Variants in TMPO observed in about 807,000 individuals in gnomAD.
TMPO encodes the protein thymopoietin.
A neutral mutation model predicts 45.4 loss-of-function variants in TMPO; 22 were observed. The observed-to-expected ratio is 0.48, with a 90% CI of 0.35 to 0.69. TMPO has a LOEUF of 0.69. Ranked by LOEUF, TMPO falls within the 30% of genes least tolerant of loss-of-function variation. The pLI, the probability that TMPO is intolerant of heterozygous loss-of-function variation, is 0.01. For missense variants in TMPO, 512 were observed against 548.8 expected (o/e 0.93, Z 0.67); for synonymous variants, 241 against 204.1 (o/e 1.18, Z -1.54).
At chr12:98,536,809 T>C (rs1877600498) in intron 3 of TMPO, among the ~76,000 whole-genome samples, 1 of 152,230 alleles carries the variant, frequency 6.6e-6, no homozygotes, top group Admixed American at 6.5e-5. Flanking sequence ...AGTATTGGCT[T>C]CTTTTCAAAG....
At chr12:98,516,175 G>A in intron 1 of TMPO, 29 bp downstream of exon 1, 22 of 1,335,976 alleles carry the variant, frequency 1.6e-5, no homozygotes, top group Non-Finnish European at 2.1e-5. Context: ...GGCTACAAAG[G>A]CGGGCGTTTG....
chr12:98,516,559 T>C, intron 1 of TMPO: 3 of 1,009,910 alleles, frequency 3.0e-6, no homozygotes, highest in Non-Finnish European at 3.5e-6. Flanking sequence ...CTGAAATGAC[T>C]CGCAGCAGAG....
intron 2 of TMPO, among the ~76,000 whole-genome samples, chr12:98,530,213 TGTA>T (rs907025339): frequency 9.9e-5 from 15 of 151,946 alleles, no homozygotes; most frequent in Non-Finnish European, 1.8e-4. Context: ...AGTGCACACT[TGTA>T]GTCCTAGCTA....
intron 1 of TMPO, among the ~76,000 whole-genome samples, chr12:98,521,286 G>A (rs563450445): frequency 6.7e-6 from 1 of 150,124 alleles, no homozygotes; most frequent in South Asian, 2.2e-4. Context: ...TAATTTTTTT[G>A]TATTTTTAGT....
At chr12:98,519,172 G>A (rs1347710636) in intron 1 of TMPO, among the ~76,000 whole-genome samples, 1 of 152,044 alleles carries the variant, frequency 6.6e-6, no homozygotes. Context: ...GTGAGCCACC[G>A]CGCCCAGCCA....
rs1877341732 is a variant in TMPO at position 98,533,425 on chromosome 12, G to A, written c.565+1587G>A. The A allele has an allele frequency of 6.2e-7, 1 of 1,614,196 alleles. No homozygotes were observed. The highest frequency in any genetic ancestry group is 8.5e-7 in the Non-Finnish European group (1 of 1,180,032). ...CAATTCTCTGTTGGTCCAGGGTGGG[G>A]TAGGTAGTTTGCCTGGAACTTCTAA... On this transcript the variant is annotated intron_variant, in intron 3 of 8. Transcript: ENST00000556029.
In TMPO at chr12:98,537,563, G is replaced by C. The variant is rs138298699; in HGVS notation, c.654G>C (p.Glu218Asp). 2 of 1,611,798 alleles carry C rather than the reference G, an allele frequency of 1.2e-6. No individual in the cohort carries two copies. The highest frequency in any genetic ancestry group is 1.7e-6 in the Non-Finnish European group (2 of 1,178,412). ...TAACACTCAAGCAAAGAAGAGTTGA[G>C]CACAATCAGGTATCTTTAGTTTTAT... is the stretch of plus-strand genomic sequence containing the variant. The part of the protein sequence containing the change: ...TPVTLKQRRV[E>D]HNQSYSQAGI... The change falls in exon 4 of 9, where the codon GAG (glutamate) becomes GAC (aspartate). Residue 218 changes from glutamate to aspartate, a missense_variant. Physicochemically the swap from Glu to Asp is conservative, Grantham distance 45 (BLOSUM62 2). This residue lies in a region of TMPO where 299 missense variants were observed against 296.7 expected (regional missense o/e 1.01). Transcript: ENST00000556029.
intron 1 of TMPO, among the ~76,000 whole-genome samples, chr12:98,517,979 A>G (rs2121109816): frequency 6.6e-6 from 1 of 152,256 alleles, no homozygotes; most frequent in East Asian, 1.9e-4. Context: ...CCTGGCCCAT[A>G]TGGTGAAACC....
intron 2 of TMPO, among the ~76,000 whole-genome samples, chr12:98,529,179 G>A (rs540325638): frequency 7.5e-4 from 113 of 151,216 alleles, no homozygotes; most frequent in African/African-American, 2.6e-3. Context: ...TCAGCTTCCC[G>A]AATAGCTGGG....
chr12:98,532,941 C>T lies in TMPO; in HGVS notation c.565+1103C>T, dbSNP rs188308994. 1.9e-6 allele frequency: 3 copies of T among 1,614,166 alleles called. No individual in the cohort carries two copies. The highest frequency in any genetic ancestry group is 1.7e-6 in the Non-Finnish European group (2 of 1,180,034). On this transcript the variant is annotated intron_variant, in intron 3 of 8. Transcript: ENST00000556029. ...AGGGTATTTCTTTTCCTGAAATCTC[C>T]ACCCGTCCTCCTTTGGGCAGTACCG...
intron 6 of TMPO, 131 bp downstream of exon 6, chr12:98,544,668 T>A (rs750117499): frequency 3.7e-5 from 29 of 787,820 alleles, no homozygotes; most frequent in Non-Finnish European, 5.5e-5. Context: ...TTAAACTGAT[T>A]TTCCCCATAT....
intron 3 of TMPO, chr12:98,535,259 ACT>A: frequency 1.0e-6 from 1 of 982,552 alleles, no homozygotes; most frequent in Non-Finnish European, 1.2e-6. Flanking sequence ...AGCAATATAG[ACT>A]CTAAAAGCAA....
At chr12:98,521,370 C>T (rs978817251) in intron 1 of TMPO, among the ~76,000 whole-genome samples, 3 of 151,988 alleles carry the variant, frequency 2.0e-5, no homozygotes, top group Non-Finnish European at 4.4e-5. Flanking sequence ...CCTCAGCCTC[C>T]CAGAGTGCTG....
intron 4 of TMPO, among the ~76,000 whole-genome samples, chr12:98,543,493 G>A (rs1437856223): frequency 6.6e-6 from 1 of 152,186 alleles, no homozygotes; most frequent in Non-Finnish European, 1.5e-5. Context: ...TGTAAGAAAT[G>A]CTGGATTCTT....
chr12:98,522,341 T>C (rs544955402), intron 1 of TMPO, among the ~76,000 whole-genome samples: 1 of 152,260 alleles, frequency 6.6e-6, no homozygotes, highest in South Asian at 2.1e-4. Context: ...ATAGGAAATA[T>C]TTGAAGACCT....
rs564947420 is a variant in TMPO, at chr12:98,535,529, A to T, written c.566-1946A>T. 2.4e-4 allele frequency: 235 copies of T among 985,374 alleles called. No individual in the cohort carries two copies. The African/African-American group carries it at 3.8e-3, about 16-fold the overall frequency. The allele number at this position is 985,374 out of a possible 1,614,324, so 61.0% of individuals were successfully genotyped here. A position where few individuals can be genotyped will look rare whatever the true frequency, so the allele number is the denominator to read the frequency against. On this transcript the variant is annotated intron_variant, in intron 3 of 8. Transcript: ENST00000556029. ...GAGTAATTTTATTTGTTGTCTTCTG[A>T]AATGTACATGTATACATGTACCTAC...
intron 1 of TMPO, chr12:98,516,483 G>T (rs1565801993): frequency 8.1e-6 from 9 of 1,108,434 alleles, no homozygotes. Flanking sequence ...GTGCCCTTTC[G>T]AAAGCTCTGG....
intron 1 of TMPO, among the ~76,000 whole-genome samples, chr12:98,517,627 C>T (rs552885881): frequency 6.6e-6 from 1 of 152,192 alleles, no homozygotes; most frequent in African/African-American, 2.4e-5. Flanking sequence ...ATCTTATTCT[C>T]GGCTTCAGAG....
chr12:98,517,483 A>G (rs1258426655), intron 1 of TMPO, among the ~76,000 whole-genome samples: 1 of 152,236 alleles, frequency 6.6e-6, no homozygotes, highest in Non-Finnish European at 1.5e-5. Flanking sequence ...GGGAATGATC[A>G]CTAGTTTAAA....
Sources: gnomAD v4.1 joint callset for allele counts (sites outside exome capture counted in the v4.1 genomes callset) on GRCh38, gnomAD v4.1.1 for gene constraint, gnomAD v4.1.1 regional missense constraint, MANE v1.5 for transcripts, NCBI Gene and HGNC (gene_info 2026-07-23, HGNC 2026-07-21) for gene names.